The following REG4 variants were observed in gnomAD, a reference collection of about 807,000 sequenced individuals.
The protein encoded by REG4 is regenerating family member 4.
In REG4, 16 loss-of-function variants were observed where a neutral mutation model predicts 22.3. The ratio of observed to expected loss-of-function variants is 0.72; its 90% confidence interval spans 0.49 to 1.09. The LOEUF (loss-of-function observed/expected upper bound fraction) is 1.09, where lower values mean the gene tolerates loss of function less well. Ranked by LOEUF, REG4 falls within the 50% of genes least tolerant of loss-of-function variation. REG4 has a pLI of 0.00. For missense variants in REG4, 214 were observed against 193.9 expected, an observed-to-expected ratio of 1.10 and a Z score of -0.61; for synonymous variants, 71 against 69.2, an observed-to-expected ratio of 1.03 and a Z score of -0.13.
intron 1 of REG4, among the ~76,000 whole-genome samples, chr1:119,810,925 G>A (rs1441153218): frequency 2.0e-5 from 3 of 152,062 alleles, no homozygotes; most frequent in Non-Finnish European, 2.9e-5. Flanking sequence ...GTGGTGGCAA[G>A]TGCCTGTAAT....
rs780517734 is a variant in REG4 at position 119,798,508 on chromosome 1, C to T, written c.398G>A (p.Ser133Asn). 2 of 1,613,336 alleles carry T rather than the reference C, an allele frequency of 1.2e-6. No homozygotes were observed. Among genetic ancestry groups the T allele is most frequent in the South Asian group, 1.1e-5 (1 of 91,056 alleles). ...MGGNKHCAEMSSNNNFLTWSS... is the reference protein window; with the variant it reads ...MGGNKHCAEMNSNNNFLTWSS... ...GCATTATAACTTACTGTTATTGGAGCTCATCTCAGCACAGTGCTTGTTCCC... is the reference window on the plus strand; with the variant it reads ...GCATTATAACTTACTGTTATTGGAGTTCATCTCAGCACAGTGCTTGTTCCC... The change falls in exon 5 of 6, where the codon AGC (serine) becomes AAC (asparagine). Residue 133 changes from serine to asparagine, a missense_variant. Ser to Asn is a conservative substitution (Grantham distance 46). Coordinates refer to ENST00000256585, the MANE Select transcript of REG4 (RefSeq NM_032044.4).
intron 3 of REG4, among the ~76,000 whole-genome samples, chr1:119,800,452 C>A (rs1308945865): frequency 1.3e-5 from 2 of 152,108 alleles, no homozygotes; most frequent in Admixed American, 6.5e-5. Context: ...TTGCGGGACA[C>A]CTCCAACACA....
chr1:119,794,425 T>C lies in REG4; in HGVS notation c.*193A>G. Reference sequence around the variant, plus strand: ...GTGGAAAGGGATGGCGGGGCAAACATTTAGAGCTAGAAGCCACTACTGGGC... The same window carrying C: ...GTGGAAAGGGATGGCGGGGCAAACACTTAGAGCTAGAAGCCACTACTGGGC... On this transcript the variant is annotated 3_prime_UTR_variant, in exon 6 of 6. Coordinates refer to ENST00000256585, the MANE Select transcript of REG4 (RefSeq NM_032044.4). 1.5e-6 allele frequency: 1 copy of C among 653,878 alleles called. No homozygotes were observed. The highest frequency in any genetic ancestry group is 2.8e-6 in the Non-Finnish European group (1 of 361,172). 40.5% of individuals were successfully genotyped at this position (653,878 alleles called of 1,614,324 possible).
In REG4 at chr1:119,802,778, T is replaced by C. The variant is rs1456826043; in HGVS notation, c.165+290A>G. 5 of 1,466,166 alleles carry C rather than the reference T, an allele frequency of 3.4e-6. No individual in the cohort carries two copies. The African/African-American group carries it at 5.7e-5, about 17-fold the overall frequency. 90.8% of individuals were successfully genotyped at this position (1,466,166 alleles called of 1,614,324 possible). ...TTCTCTTCCTCCTTTGATTGATGTA[T>C]TTCTGTCTCCTTTACTGACAGTGAG... On this transcript the variant is annotated intron_variant, in intron 3 of 5. Coordinates refer to ENST00000256585, the MANE Select transcript of REG4 (RefSeq NM_032044.4).
At chr1:119,797,559 T>A (rs1653969208) in intron 5 of REG4, among the ~76,000 whole-genome samples, 1 of 152,258 alleles carries the variant, frequency 6.6e-6, no homozygotes, top group Non-Finnish European at 1.5e-5. Context: ...CCAGGCCGAC[T>A]TCTTGGCTGG....
Position 119,808,863 on chromosome 1 carries a change from T to G in REG4, c.-94A>C. On this transcript the variant is annotated splice_region_variant and 5_prime_UTR_variant, in exon 2 of 6. Transcript: ENST00000256585. ...TCCTGGGTTCTCCTTGATCTGCAAATCTGAACACATTTGCACAGGTGAGAA... is the reference window on the plus strand; with the variant it reads ...TCCTGGGTTCTCCTTGATCTGCAAAGCTGAACACATTTGCACAGGTGAGAA... 3.6e-6 allele frequency: 3 copies of G among 843,116 alleles called. No individual in the cohort carries two copies. The highest frequency in any genetic ancestry group is 5.2e-5 in the East Asian group (2 of 38,476). The allele number at this position is 843,116 out of a possible 1,614,324, so 52.2% of individuals were successfully genotyped here. A position where few individuals can be genotyped will look rare whatever the true frequency, so the allele number is the denominator to read the frequency against.
intron 3 of REG4, 123 bp downstream of exon 3, chr1:119,802,945 C>A: frequency 6.4e-7 from 1 of 1,564,616 alleles, no homozygotes; most frequent in Non-Finnish European, 8.7e-7. Context: ...ATTTCACCAG[C>A]CAAAGGGGCT....
At chr1:119,795,467 C>T (rs1312433382) in intron 5 of REG4, among the ~76,000 whole-genome samples, 2 of 152,214 alleles carry the variant, frequency 1.3e-5, no homozygotes, top group South Asian at 2.1e-4. Flanking sequence ...GAGCCCAAGG[C>T]GGAGGTGGCC....
At chr1:119,804,780 T>C (rs1654239376) in intron 2 of REG4, among the ~76,000 whole-genome samples, 1 of 152,190 alleles carries the variant, frequency 6.6e-6, no homozygotes, top group South Asian at 2.1e-4. Context: ...CTTTTGTCTC[T>C]GTGTTTCTGT....
At position 119,803,156 on chromosome 1, in the gene REG4, A is replaced by T; in HGVS notation, c.77T>A (p.Met26Lys). Residue 26 changes from methionine (M) to lysine (K), a missense_variant, in exon 3 of 6, where the codon ATG becomes AAG. Transcript: ENST00000256585. ...AKTGVLGDIIMRPSCAPGWFY... is the reference protein window; with the variant it reads ...AKTGVLGDIIKRPSCAPGWFY... ...CCATCCAGGAGCACAGCTGGGTCTC[A>T]TGATGATATCTGCACATAAACAAAA... The T allele has an allele frequency of 3.3e-6, 5 of 1,519,920 alleles. No homozygotes were observed. Among genetic ancestry groups the T allele is most frequent in the Non-Finnish European group, 4.4e-6 (5 of 1,135,948 alleles). The allele number at this position is 1,519,920 out of a possible 1,614,324, so 94.2% of individuals were successfully genotyped here. A position where few individuals can be genotyped will look rare whatever the true frequency, so the allele number is the denominator to read the frequency against.
At chr1:119,796,466 CT>C (rs1421610054) in intron 5 of REG4, among the ~76,000 whole-genome samples, 1 of 152,066 alleles carries the variant, frequency 6.6e-6, no homozygotes, top group Non-Finnish European at 1.5e-5. Context: ...CTCTGGAATT[CT>C]TTCTAAAGAG....
chr1:119,796,514 C>A (rs1049957817), intron 5 of REG4, among the ~76,000 whole-genome samples: 1 of 152,036 alleles, frequency 6.6e-6, no homozygotes, highest in African/African-American at 2.4e-5. Flanking sequence ...AAAGAGAGAA[C>A]AAGAATGTGT....
chr1:119,797,775 T>G (rs1653976014), intron 5 of REG4, among the ~76,000 whole-genome samples: 1 of 152,234 alleles, frequency 6.6e-6, no homozygotes. Context: ...TATTTTTGAT[T>G]GTCACGACCT....
intron 2 of REG4, among the ~76,000 whole-genome samples, chr1:119,803,787 C>T (rs1654202065): frequency 6.6e-6 from 1 of 152,090 alleles, no homozygotes; most frequent in South Asian, 2.1e-4. Context: ...TACATGGCAA[C>T]TTGACTGGAA....
In REG4 at chr1:119,794,569, A is replaced by G. The variant is rs1653875253; in HGVS notation, c.*49T>C. On this transcript the variant is annotated 3_prime_UTR_variant, in exon 6 of 6. Coordinates refer to ENST00000256585, the MANE Select transcript of REG4 (RefSeq NM_032044.4). ...AGCAGATTTAGCCAGGCTAGCAGAAAGGAAGAGGACGGGGCTGTGCAGGAG... is the reference window on the plus strand; with the variant it reads ...AGCAGATTTAGCCAGGCTAGCAGAAGGGAAGAGGACGGGGCTGTGCAGGAG... The G allele has an allele frequency of 6.6e-7, 1 of 1,516,760 alleles. No individual in the cohort carries two copies. Among genetic ancestry groups the G allele is most frequent in the African/African-American group, 1.4e-5 (1 of 72,984 alleles). The allele number at this position is 1,516,760 out of a possible 1,614,324, so 94.0% of individuals were successfully genotyped here. A position where few individuals can be genotyped will look rare whatever the true frequency, so the allele number is the denominator to read the frequency against.
chr1:119,795,722 A>G (rs752855251), intron 5 of REG4, among the ~76,000 whole-genome samples: 7 of 152,200 alleles, frequency 4.6e-5, no homozygotes, highest in Non-Finnish European at 7.3e-5. Flanking sequence ...CTCAGGAGCC[A>G]CAGAGGATGG....
chr1:119,804,058 G>C (rs753668631), intron 2 of REG4, among the ~76,000 whole-genome samples: 75 of 152,208 alleles, frequency 4.9e-4, no homozygotes, highest in Non-Finnish European at 8.5e-4. Context: ...TTTATAAAGA[G>C]GGGGAGATGG....
intron 2 of REG4, among the ~76,000 whole-genome samples, chr1:119,804,413 C>T (rs587718972): frequency 3.1e-4 from 47 of 152,288 alleles, no homozygotes; most frequent in African/African-American, 1.1e-3. Flanking sequence ...TGCCATAGTC[C>T]CAGCTCCGTC....
At chr1:119,798,141 ATATATT>A (rs1473616514) in intron 5 of REG4, among the ~76,000 whole-genome samples, 1 of 152,224 alleles carries the variant, frequency 6.6e-6, no homozygotes, top group East Asian at 1.9e-4. Context: ...TTTTCACCAC[ATATATT>A]TACTCCCTGT....
Sources: allele counts gnomAD v4.1 joint callset (sites outside exome capture counted in the v4.1 genomes callset), GRCh38; gene constraint gnomAD v4.1.1; transcripts MANE v1.5; gene names NCBI Gene and HGNC (gene_info 2026-07-23, HGNC 2026-07-21).